BCAS4: variants seen among roughly 807,000 people sequenced by gnomAD.
BCAS4 encodes the protein breast carcinoma amplified sequence 4.
In BCAS4, 9 loss-of-function variants were observed where a neutral mutation model predicts 15.7. That is an observed-to-expected ratio of 0.57 (90% CI 0.34 to 1.00). The LOEUF is 1.00. Ranked by LOEUF, BCAS4 falls within the 50% of genes least tolerant of loss-of-function variation. The pLI is 0.02. For missense variants in BCAS4, 225 were observed against 239.1 expected, an observed-to-expected ratio of 0.94 and a Z score of 0.39; for synonymous variants, 101 against 99.5, an observed-to-expected ratio of 1.02 and a Z score of -0.09.
intron 4 of BCAS4, among the ~76,000 whole-genome samples, chr20:50,844,772 C>A (rs768097052): frequency 6.6e-6 from 1 of 152,132 alleles, no homozygotes; most frequent in South Asian, 2.1e-4. Flanking sequence ...GTGGCTGGGG[C>A]ATGCTGGGAC....
intron 1 of BCAS4, among the ~76,000 whole-genome samples, chr20:50,802,409 G>A (rs562046980): frequency 6.6e-6 from 1 of 152,254 alleles, no homozygotes; most frequent in South Asian, 2.1e-4. Flanking sequence ...TCTCAGATGT[G>A]CCTGACTTTC....
chr20:50,879,179 T>G (rs1012701353), downstream of BCAS4: 12 of 152,226 alleles, frequency 7.9e-5, no homozygotes, highest in African/African-American at 2.9e-4. Context: ...GAAGGGAGCT[T>G]GGACACTCTG....
chr20:50,832,292 C>G (rs572071351), intron 3 of BCAS4, among the ~76,000 whole-genome samples: 1 of 151,578 alleles, frequency 6.6e-6, no homozygotes, highest in South Asian at 2.1e-4. Flanking sequence ...GAGTCTTGCT[C>G]TGTCCCCCAG....
intron 2 of BCAS4, among the ~76,000 whole-genome samples, chr20:50,822,570 C>A (rs2088229071): frequency 6.6e-6 from 1 of 151,172 alleles, no homozygotes; most frequent in African/African-American, 2.4e-5. Context: ...AGCTCTCATA[C>A]ATTGCTGGTA....
intron 1 of BCAS4, among the ~76,000 whole-genome samples, chr20:50,805,955 C>T (rs973032883): frequency 1.2e-4 from 18 of 146,352 alleles, no homozygotes; most frequent in African/African-American, 5.1e-5. Flanking sequence ...CCAGCCTGGG[C>T]GACAGAGCGA....
rs995248360 is a variant in BCAS4 at position 50,801,881 on chromosome 20, G to A, written c.90+6708G>A. On this transcript the variant is annotated intron_variant, in intron 1 of 4. Coordinates refer to ENST00000371608, the MANE Select transcript of BCAS4 (RefSeq NM_198799.4). ...GCAAAGATCTGACAGCAGATGCCCG[G>A]CCACAGGGGAAAGATGAGGGACCGG... Among the ~76,000 whole-genome samples, 32 of 152,148 alleles carry A rather than the reference G, an allele frequency of 2.1e-4. 1 individual carries two copies. The highest frequency in any genetic ancestry group is 2.0e-3 in the Admixed American group (30 of 15,268).
At chr20:50,798,608 C>G (rs563548391) in intron 1 of BCAS4, among the ~76,000 whole-genome samples, 96 of 152,300 alleles carry the variant, frequency 6.3e-4, no homozygotes, top group African/African-American at 2.2e-3. Flanking sequence ...GTTCTTTGTC[C>G]TGAGTTTTCA....
intron 3 of BCAS4, among the ~76,000 whole-genome samples, chr20:50,837,999 T>TAC (rs35171200): frequency 0.045 from 6,493 of 143,754 alleles, 147 homozygotes; most frequent in Middle Eastern, 0.05. Context: ...CATCTGCACA[T>TAC]ACACACACAC....
intron 4 of BCAS4, among the ~76,000 whole-genome samples, chr20:50,864,665 A>T (rs1234916921): frequency 6.6e-6 from 1 of 150,944 alleles, no homozygotes; most frequent in Non-Finnish European, 1.5e-5. Flanking sequence ...CTGATCTCTA[A>T]CTCCTGACCT....
At chr20:50,857,048 A>G (rs552902209) in intron 4 of BCAS4, among the ~76,000 whole-genome samples, 1 of 152,376 alleles carries the variant, frequency 6.6e-6, no homozygotes, top group South Asian at 2.1e-4. Flanking sequence ...TGTGCTGTTC[A>G]CAAGCTAATG....
intron 4 of BCAS4, among the ~76,000 whole-genome samples, chr20:50,873,178 C>T (rs1475088175): frequency 6.6e-6 from 1 of 152,342 alleles, no homozygotes; most frequent in South Asian, 2.1e-4. Flanking sequence ...CTCGCCACTC[C>T]CTCTCCTTGG....
At chr20:50,842,094 T>C (rs1022360514) in intron 4 of BCAS4, among the ~76,000 whole-genome samples, 194 bp downstream of exon 4, 1 of 152,188 alleles carries the variant, frequency 6.6e-6, no homozygotes, top group African/African-American at 2.4e-5. Flanking sequence ...TGACGGTTCG[T>C]GTGCTCATGT....
Position 50,851,265 on chromosome 20 carries a change from C to A in BCAS4, c.399+9365C>A, listed in dbSNP as rs1023559340. Among the ~76,000 whole-genome samples, 1 of 152,144 alleles carries A rather than the reference C, an allele frequency of 6.6e-6. No homozygotes were observed. The highest frequency in any genetic ancestry group is 6.6e-5 in the Admixed American group (1 of 15,266). ...CTCCTGCTGCCCCCATCAGCCCTTG[C>A]AGTAAAAATGCAGCAGGAGCAGATA... is the stretch of plus-strand genomic sequence containing the variant. On this transcript the variant is annotated intron_variant, in intron 4 of 4. Coordinates refer to ENST00000371608, the MANE Select transcript of BCAS4 (RefSeq NM_198799.4). The surrounding 1 kb of genome is among the most constrained non-coding windows in gnomAD (Gnocchi z 4.3).
Position 50,807,125 on chromosome 20 carries a change from G to C in BCAS4, c.91-11086G>C, listed in dbSNP as rs189122562. On this transcript the variant is annotated intron_variant, in intron 1 of 4. Coordinates refer to ENST00000371608, the MANE Select transcript of BCAS4 (RefSeq NM_198799.4). ...GGCCTCAGGTGATCTGCCTGCCTCG[G>C]CCTCCAAAAGTGCTGGGATTACAGG... 8.6e-5 allele frequency among the ~76,000 whole-genome samples: 13 copies of C among 152,012 alleles called. No homozygotes were observed. In the East Asian group the frequency reaches 2.5e-3, roughly 29 times the overall value.
chr20:50,872,918 T>G (rs1025192471), intron 4 of BCAS4, among the ~76,000 whole-genome samples: 5 of 152,222 alleles, frequency 3.3e-5, no homozygotes, highest in Non-Finnish European at 4.4e-5. Flanking sequence ...AGCATGCTTG[T>G]TCTCCTTGGA....
intron 3 of BCAS4, among the ~76,000 whole-genome samples, chr20:50,837,610 C>A (rs1430388224): frequency 6.6e-6 from 1 of 152,194 alleles, no homozygotes; most frequent in Non-Finnish European, 1.5e-5. Flanking sequence ...TGGGCCCTCT[C>A]GCTCACCTGC....
intron 3 of BCAS4, among the ~76,000 whole-genome samples, chr20:50,835,346 G>A (rs999527485): frequency 6.0e-5 from 9 of 150,918 alleles, no homozygotes; most frequent in African/African-American, 2.2e-4. Flanking sequence ...CCGGGTTCAA[G>A]TGATTCTCCT....
intron 3 of BCAS4, chr20:50,841,031 T>C (rs1239021744): frequency 2.7e-6 from 1 of 370,176 alleles, no homozygotes; most frequent in Non-Finnish European, 5.2e-6. Flanking sequence ...AGTTTCACCA[T>C]GTTGGCCAGG....
chr20:50,798,780 C>T (rs76987445), intron 1 of BCAS4, among the ~76,000 whole-genome samples: 8,532 of 152,214 alleles, frequency 0.056, 375 homozygotes, highest in African/African-American at 0.12. Flanking sequence ...AGTAATTGCT[C>T]CCATTCCTGA....
Sources: allele counts gnomAD v4.1 joint callset (sites outside exome capture counted in the v4.1 genomes callset), GRCh38; gene constraint gnomAD v4.1.1; non-coding constraint Gnocchi (gnomAD v3.1); transcripts MANE v1.5; gene names NCBI Gene and HGNC (gene_info 2026-07-23, HGNC 2026-07-21).